Variants in KDM4B observed in about 807,000 individuals in gnomAD.
KDM4B encodes lysine-specific demethylase 4B.
KDM4B carries 32 observed loss-of-function variants against 125.2 expected under a neutral mutation model. That is an observed-to-expected ratio of 0.26 (90% CI 0.19 to 0.34). KDM4B has a LOEUF of 0.34. KDM4B is among the 10% of genes least tolerant of loss of function. The pLI is 1.00. For missense variants in KDM4B, 1,190 were observed against 1,577.7 expected (o/e 0.75, Z 4.16); for synonymous variants, 721 against 677.9 (o/e 1.06, Z -0.99).
intron 1 of KDM4B, among the ~76,000 whole-genome samples, chr19:5,005,193 G>A (rs1048927416): frequency 1.3e-5 from 2 of 152,234 alleles, no homozygotes; most frequent in African/African-American, 4.8e-5. Flanking sequence ...CATGACATCT[G>A]AGGCTACAGG....
chr19:5,039,466 AC>A (rs2036734185), intron 3 of KDM4B, among the ~76,000 whole-genome samples: 1 of 152,058 alleles, frequency 6.6e-6, no homozygotes, highest in African/African-American at 2.4e-5. Flanking sequence ...AACAACAACA[AC>A]AAATGCCTCA....
chr19:5,136,504 T>C (rs1170687334), intron 15 of KDM4B, among the ~76,000 whole-genome samples: 1 of 152,158 alleles, frequency 6.6e-6, no homozygotes, highest in East Asian at 1.9e-4. Context: ...TGGGAGGCTC[T>C]TCACTCTGCT....
chr19:5,004,195 A>G (rs2035483133), intron 1 of KDM4B, among the ~76,000 whole-genome samples: 1 of 152,090 alleles, frequency 6.6e-6, no homozygotes, highest in Admixed American at 6.5e-5. Context: ...GGATTCTCCT[A>G]AGTCCTTTTC....
chr19:5,132,015 G>T lies in KDM4B; in HGVS notation c.1906+8G>T. 6.2e-7 allele frequency: 1 copy of T among 1,601,546 alleles called. No homozygotes were observed. The highest frequency in any genetic ancestry group is 8.5e-7 in the Non-Finnish European group (1 of 1,174,646). On this transcript the variant is annotated splice_region_variant and intron_variant, in intron 13 of 22. Transcript: ENST00000159111. ...AGGCCTCAAGTGACGAGGGTGAGTG[G>T]GGGGTCCCCAGGTCGGCTCTCATCA...
At chr19:5,133,824 C>A in intron 13 of KDM4B, 59 bp from the exon 14 acceptor site, 2 of 1,579,928 alleles carry the variant, frequency 1.3e-6, no homozygotes, top group Non-Finnish European at 1.7e-6. Flanking sequence ...GGGGTGATTC[C>A]TTGGACGAGT....
chr19:5,072,952 TGACTTGGGCCGCATCACTCCA>T (rs1017530479), intron 7 of KDM4B, among the ~76,000 whole-genome samples: 85 of 152,216 alleles, frequency 5.6e-4, no homozygotes, highest in African/African-American at 2.0e-3. Flanking sequence ...CTGCATCCCT[TGACTTGGGCCGCATCACTCCA>T]GCCTCTGTCT....
At chr19:5,137,241 C>A (rs2039664621) in intron 15 of KDM4B, 21 bp from the exon 16 acceptor site, 5 of 1,554,492 alleles carry the variant, frequency 3.2e-6, no homozygotes, top group South Asian at 2.4e-5. Flanking sequence ...CAGATCTCAG[C>A]CAGCCCCCGC....
intron 2 of KDM4B, among the ~76,000 whole-genome samples, chr19:5,029,364 T>C (rs1222216104): frequency 6.6e-6 from 1 of 152,368 alleles, no homozygotes; most frequent in East Asian, 1.9e-4. Flanking sequence ...CTGTGTCCTC[T>C]GTCTGCCACA....
intron 1 of KDM4B, among the ~76,000 whole-genome samples, chr19:5,002,483 C>G (rs1599389547): frequency 1.3e-5 from 2 of 148,822 alleles, no homozygotes; most frequent in Admixed American, 1.4e-4. Context: ...TTCCTTCTTT[C>G]TTTCCTTTCT....
rs775132645 is a variant in KDM4B at position 5,144,807 on chromosome 19, C to T, written c.2926C>T (p.Pro976Ser). 43 of 1,613,454 alleles carry T rather than the reference C, an allele frequency of 2.7e-5. No individual in the cohort carries two copies. Among genetic ancestry groups the T allele is most frequent in the Non-Finnish European group, 3.5e-5 (41 of 1,179,910 alleles). ...GAGTAGGGACTGTGTCCAGCTGGGACCCCCTTCCGAGGGGGAGCTGGTGGA... is the reference window on the plus strand; with the variant it reads ...GAGTAGGGACTGTGTCCAGCTGGGATCCCCTTCCGAGGGGGAGCTGGTGGA... ...ITSRDCVQLGPPSEGELVELR... is the reference protein window; with the variant it reads ...ITSRDCVQLGSPSEGELVELR... The change falls in exon 21 of 23, where the codon CCC (proline) becomes TCC (serine). Residue 976 changes from proline (P) to serine (S), a missense_variant. Pro to Ser is a moderately conservative substitution (Grantham distance 74). Transcript: ENST00000159111.
intron 18 of KDM4B, chr19:5,138,308 C>T: frequency 1.8e-6 from 1 of 541,428 alleles, no homozygotes; most frequent in South Asian, 2.1e-5. Flanking sequence ...CAGAGATAAG[C>T]AGGCCCCGTC....
At chr19:5,024,017 C>T (rs2036205612) in intron 2 of KDM4B, among the ~76,000 whole-genome samples, 3 of 152,116 alleles carry the variant, frequency 2.0e-5, no homozygotes, top group Admixed American at 1.3e-4. Context: ...TCCCACAGTG[C>T]TGGGGTCACA....
At chr19:4,988,277 C>CT (rs906167879) in intron 1 of KDM4B, among the ~76,000 whole-genome samples, 2 of 151,888 alleles carry the variant, frequency 1.3e-5, no homozygotes, top group Non-Finnish European at 2.9e-5. Flanking sequence ...ATGAACCCTT[C>CT]TTTTTTTTTC....
Position 5,078,402 on chromosome 19 carries a change from A to T in KDM4B, c.780+932A>T, listed in dbSNP as rs2038186247. ...AAACCGCCAAAGCATCAGCTCACAC[A>T]TCGGGGATCCGCTCTTCCTGGCGGG... On this transcript the variant is annotated intron_variant, in intron 8 of 22. Coordinates refer to ENST00000159111, the MANE Select transcript of KDM4B (RefSeq NM_015015.3). This position sits in a 1 kb window ranked among gnomAD's most constrained non-coding sequence, Gnocchi z 4.5. The T allele has an allele frequency of 6.6e-6, 1 of 152,014 alleles. No homozygotes were observed. The highest frequency in any genetic ancestry group is 2.4e-5 in the African/African-American group (1 of 41,346). 9.4% of individuals were successfully genotyped at this position (152,014 alleles called of 1,614,324 possible).
chr19:5,019,321 C>A (rs1231836180), intron 2 of KDM4B, among the ~76,000 whole-genome samples: 1 of 68,806 alleles, frequency 1.5e-5, no homozygotes, highest in South Asian at 5.3e-4. Flanking sequence ...TTGGTGTGGA[C>A]GTTGGCGTGC....
intron 1 of KDM4B, among the ~76,000 whole-genome samples, chr19:5,000,488 C>G (rs1267205783): frequency 6.6e-6 from 1 of 151,952 alleles, no homozygotes; most frequent in Non-Finnish European, 1.5e-5. Flanking sequence ...CACACTGAAA[C>G]CTCTAGTTCC....
At chr19:5,056,516 C>T (rs1164360618) in intron 6 of KDM4B, among the ~76,000 whole-genome samples, 1 of 151,886 alleles carries the variant, frequency 6.6e-6, no homozygotes, top group African/African-American at 2.4e-5. Flanking sequence ...AGCGATTCTC[C>T]TGCCTCAGCC....
At chr19:5,039,723 C>G (rs373875176) in intron 3 of KDM4B, 113 bp from the exon 4 acceptor site, 1 of 1,224,446 alleles carries the variant, frequency 8.2e-7, no homozygotes, top group African/African-American at 1.5e-5. Context: ...GGGGGTGTCC[C>G]GAGGTGCAGA....
chr19:5,143,376 T>C (rs2039779850), intron 18 of KDM4B, among the ~76,000 whole-genome samples: 1 of 152,054 alleles, frequency 6.6e-6, no homozygotes, highest in African/African-American at 2.4e-5. Flanking sequence ...CACTCTATGT[T>C]TTTTAGTACA....
Sources: allele counts gnomAD v4.1 joint callset (sites outside exome capture counted in the v4.1 genomes callset), GRCh38; gene constraint gnomAD v4.1.1; non-coding constraint Gnocchi (gnomAD v3.1); transcripts MANE v1.5; gene names NCBI Gene and HGNC (gene_info 2026-07-23, HGNC 2026-07-21).